The following LRRC3B variants were observed in gnomAD, a reference collection of about 807,000 sequenced individuals.
LRRC3B encodes the protein leucine rich repeat containing 3B.
LRRC3B carries 2 observed loss-of-function variants against 12.8 expected under a neutral mutation model. The observed-to-expected ratio is 0.16, with a 90% CI of 0.06 to 0.49. LRRC3B has a LOEUF of 0.49. LRRC3B is among the 20% of genes least tolerant of loss of function. The pLI is 0.96. For synonymous variants in LRRC3B, 132 were observed against 122.0 expected (o/e 1.08, Z -0.54); for missense variants, 189 against 319.4 (o/e 0.59, Z 3.11).
At chr3:26,685,358 C>T (rs1700054305) in intron 1 of LRRC3B, among the ~76,000 whole-genome samples, 3 of 151,326 alleles carry the variant, frequency 2.0e-5, no homozygotes, top group East Asian at 2.0e-4. Context: ...ATGATCACCT[C>T]CCTTCAGTCT....
At chr3:26,685,517 CTCTCTCTATATATATATATATATATA>C (rs1364638907) in intron 1 of LRRC3B, among the ~76,000 whole-genome samples, 3 of 53,548 alleles carry the variant, frequency 5.6e-5, no homozygotes, top group Admixed American at 2.6e-4. Context: ...CTCTCTCTCT[CTCTCTCTATATATATATATATATATA>C]TATATATATA....
At chr3:26,706,900 A>G (rs1316003742) in intron 1 of LRRC3B, among the ~76,000 whole-genome samples, 1 of 152,226 alleles carries the variant, frequency 6.6e-6, no homozygotes, top group Non-Finnish European at 1.5e-5. Context: ...GGAGAAGGAA[A>G]AGCGTACCTA....
chr3:26,668,086 G>A (rs1699645372), intron 1 of LRRC3B, among the ~76,000 whole-genome samples: 1 of 152,078 alleles, frequency 6.6e-6, no homozygotes, highest in Non-Finnish European at 1.5e-5. Context: ...GTTGCAGTTA[G>A]ATATTATTAT....
chr3:26,636,609 T>G (rs1342967943), intron 1 of LRRC3B, among the ~76,000 whole-genome samples: 2 of 151,966 alleles, frequency 1.3e-5, no homozygotes, highest in African/African-American at 4.8e-5. Context: ...TCTCATTTTT[T>G]AGTGTAAAAA....
chr3:26,638,501 T>C (rs1698951425), intron 1 of LRRC3B, among the ~76,000 whole-genome samples: 2 of 152,196 alleles, frequency 1.3e-5, no homozygotes, highest in African/African-American at 4.8e-5. Context: ...CCTCAAGTTA[T>C]AAACTTCTGT....
At chr3:26,705,221 C>T (rs1700556763) in intron 1 of LRRC3B, among the ~76,000 whole-genome samples, 1 of 152,110 alleles carries the variant, frequency 6.6e-6, no homozygotes, top group South Asian at 2.1e-4. Context: ...TGGTTGCCAC[C>T]CAATCCCAGA....
chr3:26,673,491 A>G (rs959866850), intron 1 of LRRC3B, among the ~76,000 whole-genome samples: 1 of 152,238 alleles, frequency 6.6e-6, no homozygotes, highest in African/African-American at 2.4e-5. Context: ...TTTGAGAAGC[A>G]GTCTTAGAAA....
At chr3:26,664,791 T>C (rs1459703026) in intron 1 of LRRC3B, among the ~76,000 whole-genome samples, 2 of 152,080 alleles carry the variant, frequency 1.3e-5, no homozygotes, top group African/African-American at 4.8e-5. Context: ...TCTATCAGCA[T>C]TGGTTAAGGG....
At chr3:26,642,945 A>C (rs2125408970) in intron 1 of LRRC3B, among the ~76,000 whole-genome samples, 1 of 149,552 alleles carries the variant, frequency 6.7e-6, no homozygotes, top group Non-Finnish European at 1.5e-5. Context: ...TGAACCCAGG[A>C]GGCAGAGGTT....
chr3:26,697,731 A>T (rs1700354416), intron 1 of LRRC3B, among the ~76,000 whole-genome samples: 1 of 152,090 alleles, frequency 6.6e-6, no homozygotes, highest in Non-Finnish European at 1.5e-5. Context: ...TCTAAATATC[A>T]CCCCAAAACC....
intron 1 of LRRC3B, among the ~76,000 whole-genome samples, chr3:26,680,497 G>C (rs566825362): frequency 4.6e-5 from 7 of 152,220 alleles, no homozygotes; most frequent in Non-Finnish European, 8.8e-5. Context: ...CTGGGAAATA[G>C]AATTTTATAT....
At chr3:26,647,500 G>A (rs1291257636) in intron 1 of LRRC3B, among the ~76,000 whole-genome samples, 1 of 152,138 alleles carries the variant, frequency 6.6e-6, no homozygotes, top group Admixed American at 6.5e-5. Context: ...GATAACACAA[G>A]GCTTCTGAGA....
intron 1 of LRRC3B, among the ~76,000 whole-genome samples, chr3:26,661,811 TA>T (rs1239440723): frequency 6.6e-6 from 1 of 152,216 alleles, no homozygotes; most frequent in Non-Finnish European, 1.5e-5. Flanking sequence ...ATTAATTTCC[TA>T]CACTGCTTTT....
At chr3:26,678,103 C>T (rs1482062669) in intron 1 of LRRC3B, among the ~76,000 whole-genome samples, 2 of 152,088 alleles carry the variant, frequency 1.3e-5, no homozygotes, top group African/African-American at 4.8e-5. Context: ...AGGTGTGAGC[C>T]ACCACGTCCA....
chr3:26,631,595 C>T (rs28626953), intron 1 of LRRC3B, among the ~76,000 whole-genome samples: 7,735 of 152,256 alleles, frequency 0.051, 485 homozygotes, highest in East Asian at 0.17. Flanking sequence ...CAGAATGTCC[C>T]TGTCTTGGAA....
intron 1 of LRRC3B, among the ~76,000 whole-genome samples, chr3:26,705,428 C>A (rs549317224): frequency 6.6e-6 from 1 of 151,920 alleles, no homozygotes; most frequent in East Asian, 2.0e-4. Flanking sequence ...TCGAGATTTG[C>A]AGAGGGGGAG....
Position 26,710,316 on chromosome 3 carries a change from C to G in LRRC3B, c.644C>G (p.Thr215Ser), listed in dbSNP as rs758361679. 7.4e-6 allele frequency: 12 copies of G among 1,613,930 alleles called. No individual in the cohort carries two copies. The Admixed American group carries it at 2.0e-4, about 27-fold the overall frequency. The change falls in exon 2 of 2, where the codon ACT becomes AGT. Residue 215 changes from threonine (T) to serine (S), a missense_variant. By Grantham distance (58) the Thr-to-Ser change is moderately conservative. Coordinates refer to ENST00000396641, the Ensembl canonical transcript of LRRC3B. ...CTGGTCACCATGTTTGGCTGGTTCA[C>G]TATGGTGATCTCATATGTGGTATAT...
intron 1 of LRRC3B, among the ~76,000 whole-genome samples, chr3:26,680,289 ATAAATTCTC>A (rs1449577353): frequency 7.2e-5 from 11 of 152,300 alleles, no homozygotes; most frequent in African/African-American, 1.9e-4. Context: ...AATTAAATGT[ATAAATTCTC>A]TTCTTGAAGT....
chr3:26,701,034 TAGTA>T (rs1431345744), intron 1 of LRRC3B, among the ~76,000 whole-genome samples: 1 of 152,140 alleles, frequency 6.6e-6, no homozygotes, highest in East Asian at 1.9e-4. Flanking sequence ...ATGCAAACAT[TAGTA>T]AGCCCCACAA....
Sources: allele counts gnomAD v4.1 joint callset (sites outside exome capture counted in the v4.1 genomes callset), GRCh38; gene constraint gnomAD v4.1.1; transcripts MANE v1.5; gene names NCBI Gene and HGNC (gene_info 2026-07-23, HGNC 2026-07-21).